GMPS: variants seen among roughly 807,000 people sequenced by gnomAD.
GMPS encodes the protein GMP synthase [glutamine-hydrolyzing].
In GMPS, 15 loss-of-function variants were observed where a neutral mutation model predicts 77.9. The ratio of observed to expected loss-of-function variants is 0.19; its 90% CI spans 0.13 to 0.30. GMPS has a LOEUF of 0.30. Ranked by LOEUF, GMPS falls within the 10% of genes least tolerant of loss-of-function variation. The probability of loss-of-function intolerance (pLI) is 1.00; values close to 1 mark genes in which losing one functional copy is unlikely to be tolerated. For missense variants in GMPS, 590 were observed against 838.8 expected (o/e 0.70, Z 3.66); for synonymous variants, 224 against 275.9 (o/e 0.81, Z 1.86).
At chr3:155,881,177 T>G (rs1325414363) in intron 1 of GMPS, among the ~76,000 whole-genome samples, 2 of 145,424 alleles carry the variant, frequency 1.4e-5, no homozygotes, top group Non-Finnish European at 3.0e-5. Flanking sequence ...TTTTTTTTTT[T>G]TTTTTTTTTT....
intron 1 of GMPS, among the ~76,000 whole-genome samples, chr3:155,888,840 C>T (rs781064193): frequency 5.4e-5 from 8 of 147,396 alleles, no homozygotes; most frequent in Admixed American, 1.4e-4. Flanking sequence ...CCTCTTTGGC[C>T]TCCCAAAGTG....
At chr3:155,936,211 G>A in intron 14 of GMPS, 127 bp from the exon 15 acceptor site, 3 of 629,884 alleles carry the variant, frequency 4.8e-6, no homozygotes, top group Non-Finnish European at 8.6e-6. Flanking sequence ...ATCAATGCAT[G>A]ATGACAGTCT....
At chr3:155,919,586 T>A (rs1755266717) in intron 10 of GMPS, among the ~76,000 whole-genome samples, 1 of 152,210 alleles carries the variant, frequency 6.6e-6, no homozygotes, top group Non-Finnish European at 1.5e-5. Context: ...TGGCATCTGA[T>A]GTTGCCATCA....
At position 155,870,666 on chromosome 3, in the gene GMPS, G is replaced by T; in HGVS notation, c.-205G>T. 1 of 497,362 alleles carries T rather than the reference G, an allele frequency of 2.0e-6. No homozygotes were observed. Among genetic ancestry groups the T allele is most frequent in the South Asian group, 2.6e-5 (1 of 37,846 alleles). 30.8% of individuals were successfully genotyped at this position (497,362 alleles called of 1,614,324 possible). On this transcript the variant is annotated 5_prime_UTR_variant, in exon 1 of 16. Transcript: ENST00000496455. ...GGCGGGGGCAGCGTGCGCGCTGCTG[G>T]TCTTCTCTCCCGCGGCGCTGGGGCC...
At chr3:155,908,981 G>A (rs1053992524) in intron 5 of GMPS, among the ~76,000 whole-genome samples, 1 of 152,036 alleles carries the variant, frequency 6.6e-6, no homozygotes, top group Non-Finnish European at 1.5e-5. Flanking sequence ...CATGTGTAGA[G>A]GTGGGCAAGA....
intron 12 of GMPS, among the ~76,000 whole-genome samples, chr3:155,930,251 C>T (rs1755577370): frequency 6.7e-6 from 1 of 148,678 alleles, no homozygotes. Flanking sequence ...GAAAAACAAG[C>T]AATGGGGAAA....
upstream of GMPS, among the ~76,000 whole-genome samples, chr3:155,870,041 T>C (rs1283786917): frequency 3.3e-5 from 5 of 152,212 alleles, no homozygotes; most frequent in African/African-American, 1.2e-4. Flanking sequence ...GCTCACCAGA[T>C]TACCACTCCC....
chr3:155,912,142 T>G (rs1057037149), intron 7 of GMPS, among the ~76,000 whole-genome samples: 1 of 152,254 alleles, frequency 6.6e-6, no homozygotes, highest in Admixed American at 6.5e-5. Flanking sequence ...ATTATGGAAT[T>G]AATTGGAATT....
At position 155,904,710 on chromosome 3, in the gene GMPS, A is replaced by G. The variant is rs1226447851; in HGVS notation, c.422+750A>G. Reference sequence around the variant, plus strand: ...AAATCCAGTGCTTGTTCAGCTTCATAATGGAGAGGTGTTGACACTTACATT... The same window carrying G: ...AAATCCAGTGCTTGTTCAGCTTCATGATGGAGAGGTGTTGACACTTACATT... On this transcript the variant is annotated intron_variant, in intron 4 of 15. Coordinates refer to ENST00000496455, the MANE Select transcript of GMPS (RefSeq NM_003875.3). Among the ~76,000 whole-genome samples, 3 of 152,340 alleles carry G rather than the reference A, an allele frequency of 2.0e-5. No individual in the cohort carries two copies. In the East Asian group the frequency reaches 5.8e-4, roughly 29 times the overall value.
chr3:155,906,449 C>T (rs552251661), intron 5 of GMPS, among the ~76,000 whole-genome samples, 186 bp downstream of exon 5: 1 of 152,018 alleles, frequency 6.6e-6, no homozygotes, highest in South Asian at 2.1e-4. Flanking sequence ...GGAGGATTAT[C>T]CAGAAGTCTC....
At chr3:155,915,294 A>G (rs1359169931) in intron 8 of GMPS, among the ~76,000 whole-genome samples, 1 of 149,938 alleles carries the variant, frequency 6.7e-6, no homozygotes, top group Non-Finnish European at 1.5e-5. Context: ...CTGGAGTACA[A>G]TGGAGCGATC....
chr3:155,891,886 G>C (rs1449263800), intron 1 of GMPS, among the ~76,000 whole-genome samples: 1 of 152,106 alleles, frequency 6.6e-6, no homozygotes, highest in Non-Finnish European at 1.5e-5. Context: ...GATTACAGCT[G>C]TGAGCCACCA....
chr3:155,920,369 T>C (rs145271409), intron 10 of GMPS, among the ~76,000 whole-genome samples: 287 of 152,188 alleles, frequency 1.9e-3, no homozygotes, highest in Non-Finnish European at 3.4e-3. Context: ...AAGAATGGTC[T>C]GTGGACCGGT....
In GMPS at chr3:155,931,772, G is replaced by A. The variant is rs1755628856; in HGVS notation, c.1568G>A (p.Cys523Tyr). The change falls in exon 13 of 16, where the codon TGT becomes TAT. Residue 523 changes from cysteine (C) to tyrosine (Y), a missense_variant. Cys to Tyr is a radical substitution (Grantham distance 194). Transcript: ENST00000496455. ...PIKTVGVQGD[C>Y]RSYSYVCGIS... ...TTATCTTTTTATTTTCAGGGTGACTGTCGTTCCTACAGTTACGTGTGTGGA... is the reference window on the plus strand; with the variant it reads ...TTATCTTTTTATTTTCAGGGTGACTATCGTTCCTACAGTTACGTGTGTGGA... 2 of 1,417,162 alleles carry A rather than the reference G, an allele frequency of 1.4e-6. No homozygotes were observed. Among genetic ancestry groups the A allele is most frequent in the African/African-American group, 1.4e-5 (1 of 70,482 alleles). 87.8% of individuals were successfully genotyped at this position (1,417,162 alleles called of 1,614,324 possible).
chr3:155,881,046 G>A (rs1754195429), intron 1 of GMPS, among the ~76,000 whole-genome samples: 1 of 151,386 alleles, frequency 6.6e-6, no homozygotes, highest in African/African-American at 2.4e-5. Context: ...ATTTCTGTTA[G>A]CAAAGGCAGA....
intron 1 of GMPS, among the ~76,000 whole-genome samples, chr3:155,875,738 A>G (rs1560033552): frequency 6.6e-6 from 1 of 152,214 alleles, no homozygotes; most frequent in Non-Finnish European, 1.5e-5. Context: ...TTATTGTGGA[A>G]TAGAGATGCT....
chr3:155,926,948 A>T, intron 12 of GMPS, among the ~76,000 whole-genome samples: 1 of 151,806 alleles, frequency 6.6e-6, no homozygotes, highest in African/African-American at 2.4e-5. Context: ...CAGGAGGCGG[A>T]GGTTGCGGTG....
rs972755886 is a variant in GMPS at position 155,870,680 on chromosome 3, G to T, written c.-191G>T. 7.9e-6 allele frequency: 4 copies of T among 503,480 alleles called. No individual in the cohort carries two copies. Among genetic ancestry groups the T allele is most frequent in the Non-Finnish European group, 1.4e-5 (4 of 283,514 alleles). 31.2% of individuals were successfully genotyped at this position (503,480 alleles called of 1,614,324 possible). A position where few individuals can be genotyped will look rare whatever the true frequency, so the allele number is the denominator to read the frequency against. On this transcript the variant is annotated 5_prime_UTR_variant, in exon 1 of 16. Coordinates refer to ENST00000496455, the MANE Select transcript of GMPS (RefSeq NM_003875.3). ...GCGCGCTGCTGGTCTTCTCTCCCGC[G>T]GCGCTGGGGCCCGCGCTCCGCTGCT...
At chr3:155,908,865 A>C (rs1754961457) in intron 5 of GMPS, among the ~76,000 whole-genome samples, 1 of 152,178 alleles carries the variant, frequency 6.6e-6, no homozygotes. Context: ...GGAGGTATAA[A>C]TTTGGGGGTT....
Sources: gnomAD v4.1 joint callset for allele counts (sites outside exome capture counted in the v4.1 genomes callset) on GRCh38, gnomAD v4.1.1 for gene constraint, MANE v1.5 for transcripts, NCBI Gene and HGNC (gene_info 2026-07-23, HGNC 2026-07-21) for gene names.